Variants in COL8A2 observed in about 807,000 individuals in gnomAD.
COL8A2 encodes collagen alpha-2(VIII) chain.
COL8A2 carries 16 observed loss-of-function variants against 24.0 expected under a neutral mutation model. The ratio of observed to expected loss-of-function variants is 0.67; its 90% confidence interval spans 0.45 to 1.01. The LOEUF is 1.01. COL8A2 is among the 50% of genes least tolerant of loss of function. The pLI is 0.00. For missense variants in COL8A2, 818 were observed against 942.4 expected, an observed-to-expected ratio of 0.87 and a Z score of 1.73; for synonymous variants, 466 against 424.5, an observed-to-expected ratio of 1.10 and a Z score of -1.20.
Position 36,097,811 on chromosome 1 carries a change from A to C in COL8A2, c.1870T>G (p.Tyr624Asp), listed in dbSNP as rs1421756878. 6.2e-7 allele frequency: 1 copy of C among 1,613,722 alleles called. No individual in the cohort carries two copies. Among genetic ancestry groups the C allele is most frequent in the Non-Finnish European group, 8.5e-7 (1 of 1,180,016 alleles). ...TTGGTGCCCTTGACGTGCACATGGT[A>C]AGCAAAGTAGTAGACGCCGCCCACA... ...CPVGGVYYFAYHVHVKGTNVW... is the reference protein window; with the variant it reads ...CPVGGVYYFADHVHVKGTNVW... Residue 624 changes from tyrosine (Y) to aspartate (D), a missense_variant, in exon 4 of 4, where the codon TAC (tyrosine) becomes GAC (aspartate). Tyr to Asp is a radical substitution (Grantham distance 160, BLOSUM62 -3). Around this residue, in one of 3 missense-constraint regions of COL8A2, gnomAD observed 235 missense variants for 297.3 expected, o/e 0.79. Coordinates refer to ENST00000397799, the MANE Select transcript of COL8A2 (RefSeq NM_005202.4).
At chr1:36,116,395 C>T (rs995687740) in intron 1 of COL8A2, among the ~76,000 whole-genome samples, 4 of 152,230 alleles carry the variant, frequency 2.6e-5, no homozygotes, top group African/African-American at 9.6e-5. Flanking sequence ...AAGTCCCTCC[C>T]ATATGTCAGC....
In COL8A2 at chr1:36,123,350, GC is replaced by G. The variant is rs1007185046; in HGVS notation, c.-62+1706del. Among the ~76,000 whole-genome samples, 1 of 152,250 alleles carries G rather than the reference GC, an allele frequency of 6.6e-6. No homozygotes were observed. Among genetic ancestry groups the G allele is most frequent in the African/African-American group, 2.4e-5 (1 of 41,464 alleles). On this transcript the variant is annotated intron_variant, in intron 1 of 3. Transcript: ENST00000397799. This position sits in a 1 kb window ranked among gnomAD's most constrained non-coding sequence, Gnocchi z 4.1. ...GTCCTTTGTTCCGGCTCAGGCAGGA[GC>G]AGAGAAGGTAGTGGAGTACAGGGGC...
intron 2 of COL8A2, among the ~76,000 whole-genome samples, chr1:36,102,253 G>C (rs564473562): frequency 1.3e-5 from 2 of 152,338 alleles, no homozygotes; most frequent in East Asian, 3.9e-4. Flanking sequence ...GATATGGAAT[G>C]TACATGTTGT....
rs1643620935 is a variant in COL8A2, at chr1:36,098,774, T to C, written c.907A>G (p.Thr303Ala). The part of the protein sequence containing the change: ...GPSGAKGEPG[T>A]RGPPGLIGPT... ...CCTATCAGCCCAGGGGGGCCCCGGG[T>C]CCCTGGCTCCCCTTTGGCCCCTGAT... The change falls in exon 4 of 4, where the codon ACC becomes GCC. Residue 303 changes from threonine (T) to alanine (A), a missense_variant. By Grantham distance (58) the Thr-to-Ala change is moderately conservative (BLOSUM62 0). Around this residue, in one of 3 missense-constraint regions of COL8A2, gnomAD observed 573 missense variants for 616.8 expected, o/e 0.93. Transcript: ENST00000397799. 3.1e-6 allele frequency: 5 copies of C among 1,609,538 alleles called. No homozygotes were observed. Among genetic ancestry groups the C allele is most frequent in the African/African-American group, 1.3e-5 (1 of 74,116 alleles).
intron 2 of COL8A2, among the ~76,000 whole-genome samples, chr1:36,111,242 G>A (rs1643837038): frequency 6.6e-6 from 1 of 151,800 alleles, no homozygotes; most frequent in African/African-American, 2.4e-5. Context: ...GCCCTTCTCA[G>A]CCAAGCCTCC....
chr1:36,099,824 C>T (rs1643647370), intron 3 of COL8A2, among the ~76,000 whole-genome samples: 1 of 152,174 alleles, frequency 6.6e-6, no homozygotes, highest in African/African-American at 2.4e-5. Flanking sequence ...GAGCAGAGCC[C>T]CACCTCCCAA....
intron 2 of COL8A2, among the ~76,000 whole-genome samples, chr1:36,111,644 G>A (rs1031412729): frequency 6.6e-6 from 1 of 151,732 alleles, no homozygotes; most frequent in Non-Finnish European, 1.5e-5. Flanking sequence ...TCAGACTCTT[G>A]GGTTCAAGCC....
At position 36,098,408 on chromosome 1, in the gene COL8A2, G is replaced by T; in HGVS notation, c.1273C>A (p.Pro425Thr). 6.3e-7 allele frequency: 1 copy of T among 1,579,180 alleles called. No individual in the cohort carries two copies. The highest frequency in any genetic ancestry group is 8.6e-7 in the Non-Finnish European group (1 of 1,162,950). The change falls in exon 4 of 4, where the codon CCC becomes ACC. Residue 425 changes from proline to threonine, a missense_variant. This residue lies in a region of COL8A2 where 573 missense variants were observed against 616.8 expected (regional missense o/e 0.93). Transcript: ENST00000397799. ...CCCGTGAAACCCGGCTCACCCTTGG[G>T]CCCAGTTGGTCCAGGGGGTCCATGG... Reference protein sequence around the residue: ...GAHGPPGPTGPKGEPGFTGRP... With the variant: ...GAHGPPGPTGTKGEPGFTGRP...
intron 2 of COL8A2, among the ~76,000 whole-genome samples, chr1:36,104,947 G>A (rs1020010827): frequency 2.6e-5 from 4 of 152,118 alleles, no homozygotes; most frequent in Admixed American, 6.6e-5. Context: ...TTTCATACCC[G>A]AGGAAAGTCC....
intron 2 of COL8A2, among the ~76,000 whole-genome samples, chr1:36,110,168 G>A (rs1212701453): frequency 6.7e-6 from 1 of 149,826 alleles, no homozygotes; most frequent in Admixed American, 6.7e-5. Flanking sequence ...TCCTGACCTC[G>A]TGATCCACCC....
chr1:36,109,993 G>T (rs1469436744), intron 2 of COL8A2, among the ~76,000 whole-genome samples: 1 of 140,422 alleles, frequency 7.1e-6, no homozygotes, highest in Admixed American at 7.6e-5. Context: ...GCAGTGGCGC[G>T]ATCTCGACTC....
chr1:36,098,940 G>A lies in COL8A2; in HGVS notation c.741C>T (p.Ala247=). The A allele has an allele frequency of 6.2e-7, 1 of 1,611,196 alleles. No individual in the cohort carries two copies. The highest frequency in any genetic ancestry group is 1.7e-4 in the Middle Eastern group (1 of 6,052). ...GKPGLDGLPG[A]PGDKGESGPP... is the part of the protein sequence containing the mutation. ...GCCCAGACTCACCCTTGTCTCCTGG[G>A]GCCCCAGGAAGCCCATCCAAACCAG... The change falls in exon 4 of 4, where the codon GCC becomes GCT. Residue 247 remains alanine (A), a synonymous_variant. Transcript: ENST00000397799.
chr1:36,107,608 C>T (rs911172787), intron 2 of COL8A2, among the ~76,000 whole-genome samples: 12 of 152,116 alleles, frequency 7.9e-5, no homozygotes, highest in African/African-American at 2.2e-4. Flanking sequence ...CTGGGGAGTG[C>T]GCACTGGCCA....
At chr1:36,106,398 A>G (rs1643762283) in intron 2 of COL8A2, among the ~76,000 whole-genome samples, 2 of 151,146 alleles carry the variant, frequency 1.3e-5, no homozygotes, top group South Asian at 4.2e-4. Context: ...CACCATCCCC[A>G]CTCTCCTGTG....
intron 1 of COL8A2, among the ~76,000 whole-genome samples, chr1:36,119,664 G>A (rs1055122747): frequency 1.3e-5 from 2 of 152,216 alleles, no homozygotes; most frequent in African/African-American, 4.8e-5. Flanking sequence ...GGCCTGGAGT[G>A]CCCACGCAGA....
intron 2 of COL8A2, among the ~76,000 whole-genome samples, chr1:36,100,674 C>T (rs548609771): frequency 9.2e-5 from 14 of 152,266 alleles, no homozygotes; most frequent in Non-Finnish European, 1.6e-4. Context: ...TCTTTAGGGA[C>T]ATGAATTCAC....
intron 2 of COL8A2, among the ~76,000 whole-genome samples, chr1:36,113,068 T>C (rs563462001): frequency 6.6e-6 from 1 of 152,234 alleles, no homozygotes; most frequent in Non-Finnish European, 1.5e-5. Flanking sequence ...GAGAGATGGA[T>C]GTTGAGCCCA....
intron 1 of COL8A2, among the ~76,000 whole-genome samples, chr1:36,121,762 C>T (rs533826387): frequency 6.6e-6 from 1 of 152,194 alleles, no homozygotes; most frequent in Admixed American, 6.5e-5. Flanking sequence ...GTAAGGTTCC[C>T]TCTGCTCCAT....
Position 36,097,458 on chromosome 1 carries a change from G to A in COL8A2, c.*111C>T, listed in dbSNP as rs1283296557. 5 of 912,598 alleles carry A rather than the reference G, an allele frequency of 5.5e-6. No homozygotes were observed. Among genetic ancestry groups the A allele is most frequent in the South Asian group, 1.6e-5 (1 of 61,806 alleles). The allele number at this position is 912,598 out of a possible 1,614,324, so 56.5% of individuals were successfully genotyped here. A position where few individuals can be genotyped will look rare whatever the true frequency, so the allele number is the denominator to read the frequency against. On this transcript the variant is annotated 3_prime_UTR_variant, in exon 4 of 4. Transcript: ENST00000397799. The stretch of plus-strand genomic sequence containing the variant: ...GTTAGTCTCCTCGGGCCAAGGCCAC[G>A]GCCGCCTCTGTTCAGCTTTTGTTTT...
Sources: allele counts gnomAD v4.1 joint callset (sites outside exome capture counted in the v4.1 genomes callset), GRCh38; gene constraint gnomAD v4.1.1; regional missense constraint gnomAD v4.1.1; non-coding constraint Gnocchi (gnomAD v3.1); transcripts MANE v1.5; gene names NCBI Gene and HGNC (gene_info 2026-07-23, HGNC 2026-07-21).